Variants in SLC8A3 observed in about 807,000 individuals in gnomAD.
The protein encoded by SLC8A3 is sodium/calcium exchanger 3.
SLC8A3 carries 37 observed loss-of-function variants against 65.4 expected under a neutral mutation model. The observed-to-expected ratio is 0.57, with a 90% CI of 0.44 to 0.74. SLC8A3 has a LOEUF of 0.74. Among genes scored for constraint, SLC8A3 ranks in the 30% least tolerant of loss-of-function variants. The pLI is 0.00. For missense variants in SLC8A3, 1,112 were observed against 1,172.1 expected (o/e 0.95, Z 0.75); for synonymous variants, 461 against 444.5 (o/e 1.04, Z -0.47).
Position 70,051,008 on chromosome 14 carries a change from C to A in SLC8A3, c.2113G>T (p.Ala705Ser), listed in dbSNP as rs770246396. ...AAGGCCAGCCTGAGACACTTCTCACCTGCACTGACGGTGATGGCCTCCATG... is the reference window on the plus strand; with the variant it reads ...AAGGCCAGCCTGAGACACTTCTCACATGCACTGACGGTGATGGCCTCCATG... ...QFMEAITVSA[A>S]GDEDEDESGE... The change falls in exon 5 of 7, where the codon GCA (alanine) becomes TCA (serine). Residue 705 changes from alanine (A) to serine (S), a missense_variant and splice_region_variant. By Grantham distance (99) the Ala-to-Ser change is moderately conservative. Transcript: ENST00000356921. 1.2e-6 allele frequency: 2 copies of A among 1,604,768 alleles called. No individual in the cohort carries two copies. The highest frequency in any genetic ancestry group is 1.1e-5 in the South Asian group (1 of 90,898).
At chr14:70,153,315 C>T (rs1056887871) in intron 2 of SLC8A3, among the ~76,000 whole-genome samples, 1 of 152,138 alleles carries the variant, frequency 6.6e-6, no homozygotes, top group African/African-American at 2.4e-5. Context: ...CCGGGTGCTG[C>T]TCTGGTCTAA....
intron 3 of SLC8A3, among the ~76,000 whole-genome samples, chr14:70,058,831 T>G (rs1223341870): frequency 2.0e-5 from 3 of 152,218 alleles, no homozygotes; most frequent in Non-Finnish European, 4.4e-5. Context: ...ATGTGCTGCT[T>G]TCGTTTGCAT....
intron 2 of SLC8A3, among the ~76,000 whole-genome samples, chr14:70,126,586 A>T (rs1374529436): frequency 1.3e-5 from 2 of 150,872 alleles, no homozygotes; most frequent in Non-Finnish European, 3.0e-5. Flanking sequence ...ACACACACAC[A>T]CACACACACA....
At chr14:70,074,672 A>C (rs1890314849) in intron 2 of SLC8A3, among the ~76,000 whole-genome samples, 1 of 152,258 alleles carries the variant, frequency 6.6e-6, no homozygotes, top group African/African-American at 2.4e-5. Context: ...GATCCAGGAC[A>C]GGGATCAGGG....
chr14:70,045,058 G>A lies in SLC8A3; in HGVS notation c.*889C>T, dbSNP rs1886601834. 1 of 152,110 alleles carries A rather than the reference G, an allele frequency of 6.6e-6. No homozygotes were observed. The highest frequency in any genetic ancestry group is 2.1e-4 in the South Asian group (1 of 4,826). 9.4% of individuals were successfully genotyped at this position (152,110 alleles called of 1,614,324 possible). ...CTATTTGGCGGGTCTTCCTGCAGAAGGATACACAAGTGGACACTGACACAA... is the reference window on the plus strand; with the variant it reads ...CTATTTGGCGGGTCTTCCTGCAGAAAGATACACAAGTGGACACTGACACAA... On this transcript the variant is annotated 3_prime_UTR_variant, in exon 7 of 7. Transcript: ENST00000356921.
intron 2 of SLC8A3, among the ~76,000 whole-genome samples, chr14:70,130,153 A>T (rs548022671): frequency 6.6e-6 from 1 of 152,364 alleles, no homozygotes; most frequent in South Asian, 2.1e-4. Context: ...GAATTCTGAG[A>T]TCTGAAAGAT....
At chr14:70,108,569 A>C (rs903676498) in intron 2 of SLC8A3, among the ~76,000 whole-genome samples, 4 of 152,134 alleles carry the variant, frequency 2.6e-5, no homozygotes, top group African/African-American at 9.7e-5. Context: ...TTTCTCCCAG[A>C]GAAAAATGCC....
intron 2 of SLC8A3, among the ~76,000 whole-genome samples, chr14:70,135,799 A>G (rs965647213): frequency 5.9e-5 from 9 of 152,200 alleles, no homozygotes; most frequent in Non-Finnish European, 1.3e-4. Context: ...GTGCAAAAGT[A>G]CACCCTCAAC....
At chr14:70,155,002 C>T (rs1896490184) in intron 2 of SLC8A3, among the ~76,000 whole-genome samples, 1 of 150,838 alleles carries the variant, frequency 6.6e-6, no homozygotes, top group African/African-American at 2.4e-5. Flanking sequence ...TCACTGCAAC[C>T]TCTGCCTCCC....
chr14:70,136,621 T>C (rs975967763), intron 2 of SLC8A3, among the ~76,000 whole-genome samples: 2 of 152,220 alleles, frequency 1.3e-5, no homozygotes, highest in Non-Finnish European at 2.9e-5. Flanking sequence ...GTCTTTTTGG[T>C]TTTGCTTTAA....
intron 2 of SLC8A3, among the ~76,000 whole-genome samples, chr14:70,123,024 A>G (rs1894184445): frequency 6.7e-6 from 1 of 148,588 alleles, no homozygotes; most frequent in Non-Finnish European, 1.5e-5. Flanking sequence ...GTGAGCCAAG[A>G]TCATGCCACT....
intron 2 of SLC8A3, among the ~76,000 whole-genome samples, chr14:70,119,950 A>C (rs960578630): frequency 6.6e-6 from 1 of 152,198 alleles, no homozygotes; most frequent in Non-Finnish European, 1.5e-5. Context: ...CTTTGCATCT[A>C]GGTTGGGCCA....
At chr14:70,060,680 T>A (rs1566743593) in intron 3 of SLC8A3, 156 bp downstream of exon 3, 2 of 756,100 alleles carry the variant, frequency 2.6e-6, no homozygotes, top group Non-Finnish European at 4.9e-6. Flanking sequence ...GGGAAAAGAA[T>A]AAAAAAATCC....
intron 2 of SLC8A3, among the ~76,000 whole-genome samples, chr14:70,099,377 G>T (rs1022414833): frequency 2.0e-5 from 3 of 152,238 alleles, no homozygotes; most frequent in African/African-American, 7.2e-5. Flanking sequence ...CTTTACAGAA[G>T]TAGTTTGCTA....
At position 70,156,832 on chromosome 14, in the gene SLC8A3, T is replaced by G. The variant is rs74062813; in HGVS notation, c.1784+9807A>C. Among the ~76,000 whole-genome samples, 777 of 152,284 alleles carry G rather than the reference T, an allele frequency of 5.1e-3. 10 individuals carry two copies. Among genetic ancestry groups the G allele is most frequent in the African/African-American group, 0.017 (706 of 41,548 alleles). The stretch of plus-strand genomic sequence containing the variant: ...TGAATGGCAGGGAAGCTTTCTGTCT[T>G]GCTTTACAGCACAGGCTGCTCTGGA... On this transcript the variant is annotated intron_variant, in intron 2 of 6. Transcript: ENST00000356921.
intron 2 of SLC8A3, among the ~76,000 whole-genome samples, chr14:70,085,832 T>C (rs1055081366): frequency 1.3e-5 from 2 of 152,222 alleles, no homozygotes; most frequent in Non-Finnish European, 2.9e-5. Flanking sequence ...GTGCTTTATA[T>C]GTATTAACTC....
At chr14:70,049,990 T>G (rs992660096) in intron 5 of SLC8A3, among the ~76,000 whole-genome samples, 8 of 152,384 alleles carry the variant, frequency 5.2e-5, no homozygotes, top group Admixed American at 1.3e-4. Context: ...CGGCAACTTC[T>G]GTCATGTTTT....
intron 2 of SLC8A3, among the ~76,000 whole-genome samples, chr14:70,067,573 T>A (rs116070053): frequency 0.01 from 1,586 of 152,314 alleles, 27 homozygotes; most frequent in African/African-American, 0.036. Flanking sequence ...ATGGTGAATT[T>A]CTAACACACT....
At chr14:70,062,253 G>A (rs1165790819) in intron 2 of SLC8A3, among the ~76,000 whole-genome samples, 7 of 152,140 alleles carry the variant, frequency 4.6e-5, no homozygotes, top group African/African-American at 1.7e-4. Flanking sequence ...CATTTATAAT[G>A]TAGTAGACTG....
Sources: allele counts gnomAD v4.1 joint callset (sites outside exome capture counted in the v4.1 genomes callset), GRCh38; gene constraint gnomAD v4.1.1; transcripts MANE v1.5; gene names NCBI Gene and HGNC (gene_info 2026-07-23, HGNC 2026-07-21).